SEH1L: variants seen among roughly 807,000 people sequenced by gnomAD.
The protein encoded by SEH1L is SEH1 like nucleoporin, also known as nucleoporin SEH1.
SEH1L carries 18 observed loss-of-function variants against 49.5 expected under a neutral mutation model. That is an observed-to-expected ratio of 0.36 (90% CI 0.25 to 0.54). The LOEUF (loss-of-function observed/expected upper bound fraction) is 0.54. Among genes scored for constraint, SEH1L ranks in the 20% least tolerant of loss-of-function variants. SEH1L has a pLI of 0.87. For synonymous variants in SEH1L, 169 were observed against 178.1 expected, an observed-to-expected ratio of 0.95 and a Z score of 0.41; for missense variants, 404 against 528.8, an observed-to-expected ratio of 0.76 and a Z score of 2.31.
At chr18:12,986,417 G>A in intron 8 of SEH1L, 2 of 985,688 alleles carry the variant, frequency 2.0e-6, no homozygotes, top group Non-Finnish European at 2.4e-6. Flanking sequence ...TGTATTCCCA[G>A]TATCATGTAC....
At chr18:12,957,055 G>A (rs1401607274) in intron 3 of SEH1L, among the ~76,000 whole-genome samples, 3 of 144,050 alleles carry the variant, frequency 2.1e-5, no homozygotes, top group Non-Finnish European at 4.5e-5. Flanking sequence ...GCGACGGAGC[G>A]AGACTTGTCT....
intron 4 of SEH1L, among the ~76,000 whole-genome samples, chr18:12,968,060 G>C (rs554225709): frequency 6.6e-6 from 1 of 152,036 alleles, no homozygotes; most frequent in Non-Finnish European, 1.5e-5. Context: ...AGTTCTTTTC[G>C]TGTGCCTTGG....
At chr18:12,983,632 G>A (rs1335099745) in intron 7 of SEH1L, among the ~76,000 whole-genome samples, 2 of 152,114 alleles carry the variant, frequency 1.3e-5, no homozygotes, top group Non-Finnish European at 2.9e-5. Flanking sequence ...GACATGATAG[G>A]TACCCTTATA....
intron 8 of SEH1L, chr18:12,985,483 G>T (rs375645784): frequency 1.6e-6 from 2 of 1,262,076 alleles, no homozygotes; most frequent in South Asian, 2.8e-5. Context: ...TAAACGGAGA[G>T]GCTTTCTGTT....
chr18:12,963,307 T>C lies in SEH1L; in HGVS notation c.457T>C (p.Trp153Arg). 6.2e-7 allele frequency: 1 copy of C among 1,614,188 alleles called. No homozygotes were observed. Among genetic ancestry groups the C allele is most frequent in the Non-Finnish European group, 8.5e-7 (1 of 1,180,026 alleles). ...ACCAGATGTTATGAATCTCAGCCAGTGGTCTTTGCAGCATGAGATCTCATG... is the reference window on the plus strand; with the variant it reads ...ACCAGATGTTATGAATCTCAGCCAGCGGTCTTTGCAGCATGAGATCTCATG... ...EAPDVMNLSQ[W>R]SLQHEISCKL... The change falls in exon 4 of 9, where the codon TGG becomes CGG. Residue 153 changes from tryptophan to arginine, a missense_variant. This residue lies in a region of SEH1L where 342 missense variants were observed against 430.8 expected (regional missense o/e 0.79). Coordinates refer to ENST00000399892, the MANE Select transcript of SEH1L (RefSeq NM_001013437.2).
chr18:12,962,979 G>T (rs888882223), intron 3 of SEH1L, among the ~76,000 whole-genome samples, 181 bp from the exon 4 acceptor site: 1 of 151,912 alleles, frequency 6.6e-6, no homozygotes, highest in Non-Finnish European at 1.5e-5. Flanking sequence ...GTGATTCCCA[G>T]CTATATATGT....
intron 8 of SEH1L, chr18:12,985,159 T>C: frequency 2.1e-6 from 3 of 1,462,162 alleles, no homozygotes; most frequent in Non-Finnish European, 2.8e-6. Context: ...TTTTGATCTG[T>C]ATTCTTATTG....
chr18:12,969,173 C>T (rs1441509240), intron 4 of SEH1L, among the ~76,000 whole-genome samples: 1 of 139,814 alleles, frequency 7.2e-6, no homozygotes, highest in Non-Finnish European at 1.5e-5. Flanking sequence ...CACGCCATTG[C>T]ACTCCACCCT....
At chr18:12,975,977 C>A in intron 5 of SEH1L, 1 of 655,942 alleles carries the variant, frequency 1.5e-6, no homozygotes, top group Non-Finnish European at 1.9e-6. Flanking sequence ...CAATTTATTT[C>A]AGACATATGT....
At chr18:12,976,647 G>A (rs1042328084) in intron 5 of SEH1L, 3 of 152,070 alleles carry the variant, frequency 2.0e-5, no homozygotes, top group African/African-American at 7.2e-5. Context: ...TGGTTTATAG[G>A]TACTGAAACC....
At chr18:12,985,477 C>T (rs979548336) in intron 8 of SEH1L, 56 of 1,265,724 alleles carry the variant, frequency 4.4e-5, no homozygotes, top group Non-Finnish European at 5.4e-5. Flanking sequence ...GAAATATAAA[C>T]GGAGAGGCTT....
At chr18:12,970,713 C>T (rs1017726085) in intron 4 of SEH1L, among the ~76,000 whole-genome samples, 2 of 152,170 alleles carry the variant, frequency 1.3e-5, no homozygotes, top group African/African-American at 2.4e-5. Flanking sequence ...GCATGAGCCA[C>T]CCTGCCGCAG....
chr18:12,953,937 T>C (rs1462774811), intron 2 of SEH1L, among the ~76,000 whole-genome samples: 2 of 152,238 alleles, frequency 1.3e-5, no homozygotes, highest in African/African-American at 4.8e-5. Flanking sequence ...GTGATGAGCA[T>C]CTTTGTGCAA....
At chr18:12,955,952 C>G (rs898905463) in intron 3 of SEH1L, among the ~76,000 whole-genome samples, 2 of 151,854 alleles carry the variant, frequency 1.3e-5, no homozygotes, top group Non-Finnish European at 2.9e-5. Flanking sequence ...CCCACCTCAG[C>G]CTCCTGAGTT....
At chr18:12,982,106 T>C (rs1307594772) in intron 6 of SEH1L, among the ~76,000 whole-genome samples, 2 of 152,290 alleles carry the variant, frequency 1.3e-5, no homozygotes, top group Admixed American at 1.3e-4. Flanking sequence ...CCTCAAGTGA[T>C]CTGTCCACCT....
intron 4 of SEH1L, chr18:12,964,594 A>G (rs1381705556): frequency 1.3e-5 from 2 of 149,150 alleles, no homozygotes; most frequent in East Asian, 1.9e-4. Flanking sequence ...ATCTCTACAC[A>G]TATTTATCAA....
intron 8 of SEH1L, chr18:12,986,199 A>C: frequency 1.0e-6 from 1 of 985,380 alleles, no homozygotes; most frequent in Non-Finnish European, 1.2e-6. Context: ...GACCTTGATA[A>C]CAAAGCTATA....
intron 6 of SEH1L, among the ~76,000 whole-genome samples, chr18:12,981,579 A>G (rs948484631): frequency 9.2e-5 from 14 of 152,366 alleles, no homozygotes; most frequent in Non-Finnish European, 1.5e-4. Context: ...TGAACATTTT[A>G]TATATAAATA....
chr18:12,962,444 A>C (rs1431235260), intron 3 of SEH1L, among the ~76,000 whole-genome samples: 1 of 145,726 alleles, frequency 6.9e-6, no homozygotes, highest in Admixed American at 6.9e-5. Context: ...TTGAGAGAAG[A>C]AATTGCATGC....
Sources: allele counts gnomAD v4.1 joint callset (sites outside exome capture counted in the v4.1 genomes callset), GRCh38; gene constraint gnomAD v4.1.1; regional missense constraint gnomAD v4.1.1; transcripts MANE v1.5; gene names NCBI Gene and HGNC (gene_info 2026-07-23, HGNC 2026-07-21).